TARS3: variants seen among roughly 807,000 people sequenced by gnomAD.
TARS3 encodes the protein threonyl-tRNA synthetase 3.
Under a neutral mutation model 103.5 loss-of-function variants are expected in TARS3, and 94 were observed. That is an observed-to-expected ratio of 0.91 (90% CI 0.77 to 1.08). The LOEUF is 1.08. Among genes scored for constraint, TARS3 ranks in the 50% least tolerant of loss-of-function variants. The pLI is 0.00. For synonymous variants in TARS3, 416 were observed against 355.4 expected (o/e 1.17, Z -1.92); for missense variants, 952 against 995.2 (o/e 0.96, Z 0.58).
At chr15:101,710,032 C>T (rs1236529763) in intron 5 of TARS3, among the ~76,000 whole-genome samples, 1 of 152,136 alleles carries the variant, frequency 6.6e-6, no homozygotes, top group Non-Finnish European at 1.5e-5. Flanking sequence ...ACTTTCAGCA[C>T]CCCCACCTGC....
At chr15:101,658,149 G>C (rs1897251619) in intron 16 of TARS3, among the ~76,000 whole-genome samples, 1 of 152,106 alleles carries the variant, frequency 6.6e-6, no homozygotes, top group Admixed American at 6.5e-5. Context: ...ATTTGTCCCA[G>C]AGAAATGAAA....
intron 10 of TARS3, among the ~76,000 whole-genome samples, chr15:101,695,540 C>T (rs144408044): frequency 2.3e-3 from 357 of 152,246 alleles, no homozygotes; most frequent in South Asian, 0.012. Context: ...TTATAAGTAA[C>T]GCTTCTATGA....
chr15:101,668,756 G>C (rs143761044), intron 15 of TARS3, among the ~76,000 whole-genome samples: 2 of 152,298 alleles, frequency 1.3e-5, no homozygotes, highest in Non-Finnish European at 2.9e-5. Context: ...GCACATACAT[G>C]ACAGTGGTCC....
At chr15:101,658,456 CTTTAT>C (rs1897260803) in intron 16 of TARS3, among the ~76,000 whole-genome samples, 2 of 149,948 alleles carry the variant, frequency 1.3e-5, no homozygotes, top group Non-Finnish European at 2.9e-5. Context: ...ATGTAATATT[CTTTAT>C]ATGACAAAAT....
intron 11 of TARS3, 103 bp downstream of exon 11, chr15:101,685,793 C>T: frequency 1.1e-6 from 1 of 939,104 alleles, no homozygotes; most frequent in Non-Finnish European, 1.5e-6. Flanking sequence ...CACCACTCTT[C>T]AGATTAAAGG....
intron 10 of TARS3, among the ~76,000 whole-genome samples, chr15:101,697,041 G>A (rs1004391229): frequency 1.3e-5 from 2 of 152,134 alleles, no homozygotes; most frequent in Admixed American, 6.5e-5. Context: ...TCCCCCCTTT[G>A]TGAATATTCA....
chr15:101,708,871 T>C lies in TARS3; in HGVS notation c.852A>G (p.Ile284Met). The change falls in exon 6 of 19, where the codon ATA (isoleucine) becomes ATG (methionine). Residue 284 changes from isoleucine (I) to methionine (M), a missense_variant. Physicochemically the swap from Ile to Met is conservative, Grantham distance 10. This residue lies in a region of TARS3 where 540 missense variants were observed against 631.0 expected (regional missense o/e 0.86). Transcript: ENST00000335968. ...SSTELSALEN[I>M]CKAIIKEKQP... ...GCTTTTCTTTTATGATGGCTTTACA[T>C]ATATTCTCCAGGGCTGACAATTCTG... 6.2e-7 allele frequency: 1 copy of C among 1,612,262 alleles called. No homozygotes were observed. Among genetic ancestry groups the C allele is most frequent in the Non-Finnish European group, 8.5e-7 (1 of 1,179,410 alleles).
rs2141450959 is a variant in TARS3, at chr15:101,714,780, T to C, written c.690+60A>G. ...CGTGACTTCAATATGTGGCCTCTTA[T>C]ATAATGTAGTTTACAACATAACTAC... On this transcript the variant is annotated intron_variant, in intron 4 of 18. Coordinates refer to ENST00000335968, the MANE Select transcript of TARS3 (RefSeq NM_152334.3). 6 of 1,536,278 alleles carry C rather than the reference T, an allele frequency of 3.9e-6. No individual in the cohort carries two copies. The South Asian group carries it at 7.7e-5, about 20-fold the overall frequency.
intron 10 of TARS3, among the ~76,000 whole-genome samples, chr15:101,686,774 C>T (rs1228938579): frequency 6.6e-6 from 1 of 151,660 alleles, no homozygotes; most frequent in African/African-American, 2.4e-5. Flanking sequence ...TGATAGGGAC[C>T]CTTTGCATGA....
At chr15:101,711,041 C>T (rs958750823) in intron 5 of TARS3, among the ~76,000 whole-genome samples, 1 of 152,152 alleles carries the variant, frequency 6.6e-6, no homozygotes, top group Non-Finnish European at 1.5e-5. Context: ...GAATGTGAAG[C>T]ATCTGTGACA....
Position 101,656,913 on chromosome 15 carries a change from T to TA in TARS3, c.2260+8_2260+9insT. 1 of 1,574,270 alleles carries TA rather than the reference T, an allele frequency of 6.4e-7. No individual in the cohort carries two copies. The highest frequency in any genetic ancestry group is 8.7e-7 in the Non-Finnish European group (1 of 1,151,738). On this transcript the variant is annotated intron_variant, in intron 18 of 18. Coordinates refer to ENST00000335968, the MANE Select transcript of TARS3 (RefSeq NM_152334.3). ...AGCATTTGGAAAAATATATACAAAC[T>TA]TAAATTACCCAAAATAAAATTATAC...
intron 9 of TARS3, among the ~76,000 whole-genome samples, chr15:101,701,523 T>C (rs367871228): frequency 2.3e-3 from 354 of 152,318 alleles, no homozygotes; most frequent in African/African-American, 8.0e-3. Context: ...ATGATCATCA[T>C]GGCTGCTGCC....
At position 101,724,125 on chromosome 15, in the gene TARS3, G is replaced by A. The variant is rs374810018; in HGVS notation, c.263C>T (p.Ala88Val). 6 of 1,413,444 alleles carry A rather than the reference G, an allele frequency of 4.2e-6. No homozygotes were observed. The highest frequency in any genetic ancestry group is 3.0e-5 in the African/African-American group (2 of 67,032). 87.6% of individuals were successfully genotyped at this position (1,413,444 alleles called of 1,614,324 possible). A position where few individuals can be genotyped will look rare whatever the true frequency, so the allele number is the denominator to read the frequency against. Residue 88 changes from alanine to valine, a missense_variant, in exon 1 of 19, where the codon GCG becomes GTG. Ala to Val is a moderately conservative substitution (Grantham distance 64, BLOSUM62 0). Transcript: ENST00000335968. ...GGCCTCCTGCGCCGCCTCTAGCTCC[G>A]CGCTCTCCAGCGTGGCCTGGCGGCT... ...ERSRQATLES[A>V]ELEAAQEAGA...
At chr15:101,706,009 G>T (rs777292411) in intron 6 of TARS3, among the ~76,000 whole-genome samples, 8 of 152,124 alleles carry the variant, frequency 5.3e-5, no homozygotes, top group Non-Finnish European at 1.2e-4. Flanking sequence ...CCTCACCCAG[G>T]CTAGGGTGCA....
intron 5 of TARS3, among the ~76,000 whole-genome samples, chr15:101,709,498 G>A (rs1303592697): frequency 1.3e-5 from 2 of 152,180 alleles, no homozygotes; most frequent in African/African-American, 4.8e-5. Flanking sequence ...CCTTCTCCCT[G>A]CAGATGTCAT....
chr15:101,694,070 T>C (rs750583878), intron 10 of TARS3, among the ~76,000 whole-genome samples: 1 of 152,128 alleles, frequency 6.6e-6, no homozygotes, highest in Non-Finnish European at 1.5e-5. Flanking sequence ...AGCTGACAGA[T>C]ATTTTCCAGA....
At chr15:101,658,311 C>CAAAAA (rs36121104) in intron 16 of TARS3, among the ~76,000 whole-genome samples, 15 of 70,098 alleles carry the variant, frequency 2.1e-4, no homozygotes, top group African/African-American at 2.5e-4. Flanking sequence ...ACACCATCAG[C>CAAAAA]AAAAAAAAAA....
chr15:101,712,345 G>T (rs966267119), intron 4 of TARS3, among the ~76,000 whole-genome samples: 1 of 152,126 alleles, frequency 6.6e-6, no homozygotes, highest in Non-Finnish European at 1.5e-5. Context: ...AAACCTGATT[G>T]AAGCCCAGAG....
chr15:101,656,084 A>C, intron 18 of TARS3: 1 of 1,278,912 alleles, frequency 7.8e-7, no homozygotes, highest in South Asian at 1.2e-5. Context: ...CAAGACAGGA[A>C]CGAGAAATGG....
Sources: gnomAD v4.1 joint callset for allele counts (sites outside exome capture counted in the v4.1 genomes callset) on GRCh38, gnomAD v4.1.1 for gene constraint, gnomAD v4.1.1 regional missense constraint, MANE v1.5 for transcripts, NCBI Gene and HGNC (gene_info 2026-07-23, HGNC 2026-07-21) for gene names.